The following RIMS3 variants were observed in gnomAD, a reference collection of about 807,000 sequenced individuals.
RIMS3 encodes regulating synaptic membrane exocytosis protein 3.
RIMS3 carries 15 observed loss-of-function variants against 29.2 expected under a neutral mutation model. The observed-to-expected ratio is 0.51, with a 90% CI of 0.34 to 0.79. RIMS3 has a LOEUF of 0.79. Ranked by LOEUF, RIMS3 falls within the 30% of genes least tolerant of loss-of-function variation. The pLI, the probability that RIMS3 is intolerant of heterozygous loss-of-function variation, is 0.01. For synonymous variants in RIMS3, 161 were observed against 170.1 expected, an observed-to-expected ratio of 0.95 and a Z score of 0.41; for missense variants, 342 against 421.4, an observed-to-expected ratio of 0.81 and a Z score of 1.65.
the RIMS3 span, chr1:40,691,541 T>C: frequency 7.0e-5 from 21 of 297,920 alleles, no homozygotes; most frequent in Admixed American, 1.1e-3. Flanking sequence ...GATCTCGAGC[T>C]CCCGAAAGGG....
At chr1:40,670,454 C>T (rs183012587), upstream of RIMS3, among the ~76,000 whole-genome samples, 33 of 151,496 alleles carry the variant, frequency 2.2e-4, no homozygotes, top group African/African-American at 8.0e-4. Context: ...CTCTGAGTTT[C>T]TGTTTCCTTG....
At chr1:40,643,243 T>C (rs1185867421) in intron 2 of RIMS3, among the ~76,000 whole-genome samples, 1 of 152,016 alleles carries the variant, frequency 6.6e-6, no homozygotes, top group Non-Finnish European at 1.5e-5. Context: ...GCAATTCTCC[T>C]GCCTCAGCCT....
At chr1:40,666,543 G>A (rs1482401335), upstream of RIMS3, among the ~76,000 whole-genome samples, 2 of 152,182 alleles carry the variant, frequency 1.3e-5, no homozygotes, top group Admixed American at 6.5e-5. Context: ...CAGCCCGGGA[G>A]GATACTGTAT....
chr1:40,681,657 A>G, the RIMS3 span: 1 of 152,192 alleles, frequency 6.6e-6, no homozygotes, highest in Non-Finnish European at 1.5e-5. Flanking sequence ...ATTATTATCA[A>G]GGCCTTCCCC....
intron 1 of RIMS3, among the ~76,000 whole-genome samples, chr1:40,661,490 G>C (rs1437131096): frequency 6.6e-6 from 1 of 152,076 alleles, no homozygotes. Flanking sequence ...ATTTTAAGAC[G>C]GTGTCAGCAG....
At chr1:40,631,451 T>C (rs1017106867) in intron 5 of RIMS3, among the ~76,000 whole-genome samples, 2 of 152,150 alleles carry the variant, frequency 1.3e-5, no homozygotes, top group African/African-American at 4.8e-5. Flanking sequence ...GGCAGGCGGA[T>C]TGCCTGAGTT....
chr1:40,686,668 CA>C, the RIMS3 span, among the ~76,000 whole-genome samples: 1 of 151,618 alleles, frequency 6.6e-6, no homozygotes, highest in Non-Finnish European at 1.5e-5. Flanking sequence ...AAAACAAAAA[CA>C]AAAAAAACCC....
chr1:40,659,876 T>A (rs1425099296), intron 1 of RIMS3, among the ~76,000 whole-genome samples: 1 of 152,128 alleles, frequency 6.6e-6, no homozygotes, highest in African/African-American at 2.4e-5. Flanking sequence ...AAGGACCAGA[T>A]CCCACAGGGC....
intron 1 of RIMS3, among the ~76,000 whole-genome samples, chr1:40,663,558 T>A (rs902325851): frequency 1.3e-5 from 2 of 152,318 alleles, no homozygotes; most frequent in South Asian, 2.1e-4. Flanking sequence ...CAGCTGCTAC[T>A]GCAGCTGCAG....
In RIMS3 at chr1:40,636,870, T is replaced by A. The variant is rs76769882; in HGVS notation, c.218-813A>T. ...CTTTCCCTCTCCCAGCAGCACACCATCCTGCCTGGGTTTCCATGGCAACCT... is the reference window on the plus strand; with the variant it reads ...CTTTCCCTCTCCCAGCAGCACACCAACCTGCCTGGGTTTCCATGGCAACCT... On this transcript the variant is annotated intron_variant, in intron 3 of 7. Coordinates refer to ENST00000372684, the MANE Select transcript of RIMS3 (RefSeq NM_014747.3). The surrounding 1 kb of genome is among the most constrained non-coding windows in gnomAD (Gnocchi z 4.2). Among the ~76,000 whole-genome samples the A allele has an allele frequency of 2.8e-4, 42 of 152,264 alleles. No homozygotes were observed. The highest frequency in any genetic ancestry group is 9.4e-4 in the African/African-American group (39 of 41,556).
intron 1 of RIMS3, among the ~76,000 whole-genome samples, chr1:40,662,227 C>A (rs1642362696): frequency 6.6e-6 from 1 of 152,166 alleles, no homozygotes; most frequent in African/African-American, 2.4e-5. Flanking sequence ...CCACACTGCC[C>A]TCCCTCTACC....
At chr1:40,630,156 G>A (rs1001744354) in intron 5 of RIMS3, among the ~76,000 whole-genome samples, 3 of 151,932 alleles carry the variant, frequency 2.0e-5, no homozygotes, top group East Asian at 1.9e-4. Context: ...CCCAGGACAC[G>A]AGGCACTACC....
intron 1 of RIMS3, among the ~76,000 whole-genome samples, chr1:40,656,595 C>T (rs1024403649): frequency 1.3e-5 from 2 of 151,960 alleles, no homozygotes; most frequent in Non-Finnish European, 2.9e-5. Context: ...AACAGCCTGA[C>T]CAACATGGAG....
At position 40,629,355 on chromosome 1, in the gene RIMS3, T is replaced by C. The variant is rs1218040450; in HGVS notation, c.490A>G (p.Ile164Val). 4.3e-6 allele frequency: 7 copies of C among 1,614,106 alleles called. No individual in the cohort carries two copies. Among genetic ancestry groups the C allele is most frequent in the Non-Finnish European group, 5.9e-6 (7 of 1,179,978 alleles). The change falls in exon 6 of 8, where the codon ATC becomes GTC. Residue 164 changes from isoleucine (I) to valine (V), a missense_variant. By Grantham distance (29) the Ile-to-Val change is conservative (BLOSUM62 3). Transcript: ENST00000372684. ...TPPMGDVHIA[I>V]MDRSGQLEVE... Reference sequence around the variant, plus strand: ...TCCAGCTGGCCACTCCGGTCCATGATGGCAATGTGCACATCTCCTGAAAGG... The same window carrying C: ...TCCAGCTGGCCACTCCGGTCCATGACGGCAATGTGCACATCTCCTGAAAGG...
At position 40,662,104 on chromosome 1, in the gene RIMS3, C is replaced by T. The variant is rs377182631; in HGVS notation, c.-207+3290G>A. ...CCCTAACATTCTGGGGAAATCTGATCTTGCCTTTTCTGCTTAAAACCCTTT... is the reference window on the plus strand; with the variant it reads ...CCCTAACATTCTGGGGAAATCTGATTTTGCCTTTTCTGCTTAAAACCCTTT... On this transcript the variant is annotated intron_variant, in intron 1 of 7. Transcript: ENST00000372684. 3.0e-4 allele frequency among the ~76,000 whole-genome samples: 45 copies of T among 152,286 alleles called. No individual in the cohort carries two copies. The East Asian group carries it at 7.5e-3, about 26-fold the overall frequency.
At chr1:40,682,304 C>T in the RIMS3 span, among the ~76,000 whole-genome samples, 1 of 152,134 alleles carries the variant, frequency 6.6e-6, no homozygotes, top group African/African-American at 2.4e-5. Flanking sequence ...CTGATAGTAC[C>T]ATCATACACT....
At chr1:40,668,491 C>CGGGGGGGGGGGGGGGGTGGGGGGGGGGG (rs56114535), upstream of RIMS3, among the ~76,000 whole-genome samples, 1 of 51,586 alleles carries the variant, frequency 1.9e-5, no homozygotes, top group Non-Finnish European at 3.5e-5. Flanking sequence ...GGGTTGTGGG[C>CGGGGGGGGGGGGGGGGTGGGGGGGGGGG]GGGGGGGGGG....
chr1:40,655,538 G>A (rs1642262488), intron 1 of RIMS3, among the ~76,000 whole-genome samples: 1 of 152,250 alleles, frequency 6.6e-6, no homozygotes, highest in South Asian at 2.1e-4. Context: ...AAGGTGAGCA[G>A]AAGAGAGCAG....
chr1:40,687,193 G>T, the RIMS3 span, among the ~76,000 whole-genome samples: 2 of 152,228 alleles, frequency 1.3e-5, no homozygotes, highest in Admixed American at 6.5e-5. Context: ...GGGGAAAAGA[G>T]AATAGGGCGT....
Sources: gnomAD v4.1 joint callset for allele counts (sites outside exome capture counted in the v4.1 genomes callset) on GRCh38, gnomAD v4.1.1 for gene constraint, Gnocchi (gnomAD v3.1) non-coding constraint, MANE v1.5 for transcripts, NCBI Gene and HGNC (gene_info 2026-07-23, HGNC 2026-07-21) for gene names.